Variants in ZFX observed in about 807,000 individuals in gnomAD.
ZFX encodes zinc finger X-chromosomal protein.
For missense variants in ZFX, 362 were observed against 628.3 expected (o/e 0.58, Z 4.53); for synonymous variants, 196 against 226.8 (o/e 0.86, Z 1.22).
At chrX:24,169,850 C>T (rs1433084450) in intron 3 of ZFX, among the ~76,000 whole-genome samples, 4 of 110,533 alleles carry the variant, frequency 3.6e-5, no homozygotes, top group East Asian at 2.8e-4. Flanking sequence ...TGGGCTGAGC[C>T]GCAGTAAGGG....
rs374729146 is a variant in ZFX at position 24,179,744 on chromosome X, A to G, written c.620A>G (p.Asn207Ser). ...GACCAGCAGGATGATGACAAAGGCA[A>G]CTGTGAGGACTACCTTATGATTTCC... is the stretch of plus-strand genomic sequence containing the variant. ...PVDQQDDDKG[N>S]CEDYLMISLD... Residue 207 changes from asparagine to serine, a missense_variant, in exon 5 of 10, where the codon AAC (asparagine) becomes AGC (serine). Transcript: ENST00000304543. 11 of 1,206,825 alleles carry G rather than the reference A, an allele frequency of 9.1e-6. No individual in the cohort carries two copies. In the Admixed American group the frequency reaches 1.3e-4, roughly 14 times the overall value.
chrX:24,186,624 TAAAAA>T (rs1005928900), intron 5 of ZFX, among the ~76,000 whole-genome samples: 1 of 109,406 alleles, frequency 9.1e-6, no homozygotes, highest in Admixed American at 9.8e-5. Flanking sequence ...CCCCATCTCT[TAAAAA>T]AAAATCAAAA....
In ZFX at chrX:24,211,127, A is replaced by T. The variant is rs967535007; in HGVS notation, c.2169A>T (p.Arg723Ser). 1.7e-6 allele frequency: 2 copies of T among 1,210,863 alleles called. No homozygotes were observed. The highest frequency in any genetic ancestry group is 3.5e-5 in the African/African-American group (2 of 57,360). ...HTKDLPFRCK[R>S]CRKGFRQQSE... ...AGGATCTTCCATTTAGGTGCAAGAG[A>T]TGTAGAAAGGGATTTAGGCAACAGA... Residue 723 changes from arginine (R) to serine (S), a missense_variant, in exon 10 of 10, where the codon AGA becomes AGT. Transcript: ENST00000304543.
intron 5 of ZFX, among the ~76,000 whole-genome samples, chrX:24,197,915 T>C (rs770870301): frequency 5.2e-4 from 58 of 112,053 alleles, no homozygotes; most frequent in African/African-American, 1.8e-3. Flanking sequence ...ATTCAGGGAC[T>C]GTAGTACCCA....
chrX:24,161,608 A>G (rs1033589396), intron 3 of ZFX: 1 of 111,066 alleles, frequency 9.0e-6, no homozygotes, highest in Non-Finnish European at 1.9e-5. Flanking sequence ...AGAAAGGTGT[A>G]TTGGGATTTT....
At chrX:24,197,452 A>C (rs750864227) in intron 5 of ZFX, among the ~76,000 whole-genome samples, 1 of 112,326 alleles carries the variant, frequency 8.9e-6, no homozygotes, top group Non-Finnish European at 1.9e-5. Flanking sequence ...AATGTATCTT[A>C]GCATATAGCC....
intron 5 of ZFX, among the ~76,000 whole-genome samples, chrX:24,180,857 T>C (rs1215810637): frequency 1.8e-5 from 2 of 112,079 alleles, no homozygotes; most frequent in Non-Finnish European, 3.8e-5. Flanking sequence ...TGGAGAAAAG[T>C]AAAGTATTTT....
intron 3 of ZFX, among the ~76,000 whole-genome samples, chrX:24,171,906 G>A (rs1372361711): frequency 1.3e-4 from 3 of 22,477 alleles, no homozygotes; most frequent in African/African-American, 7.4e-4. Context: ...GAGAGAGAAG[G>A]AGAGAGAGAG....
At chrX:24,189,889 A>G (rs376600178) in intron 5 of ZFX, among the ~76,000 whole-genome samples, 1 of 111,612 alleles carries the variant, frequency 9.0e-6, no homozygotes, top group South Asian at 3.7e-4. Flanking sequence ...TATGTATTTT[A>G]TTATTTTTAT....
chrX:24,189,126 C>T (rs529992926), intron 5 of ZFX, among the ~76,000 whole-genome samples: 5 of 112,123 alleles, frequency 4.5e-5, no homozygotes, highest in Admixed American at 9.5e-5. Context: ...CGTGAGCCAC[C>T]GCGCCTGGCC....
rs1477462930 is a variant in ZFX, at chrX:24,211,628, T to A, written c.*252T>A. On this transcript the variant is annotated 3_prime_UTR_variant, in exon 10 of 10. Transcript: ENST00000304543. ...TTACTTTTAATAAAGTAATCCCTGATTCTATACCGAAGTTTTATATCTTAG... is the reference window on the plus strand; with the variant it reads ...TTACTTTTAATAAAGTAATCCCTGAATCTATACCGAAGTTTTATATCTTAG... 2.9e-6 allele frequency: 1 copy of A among 348,372 alleles called. No homozygotes were observed. Among genetic ancestry groups the A allele is most frequent in the East Asian group, 4.8e-5 (1 of 20,745 alleles). 28.7% of individuals were successfully genotyped at this position (348,372 alleles called of 1,213,427 possible). A position where few individuals can be genotyped will look rare whatever the true frequency, so the allele number is the denominator to read the frequency against.
At position 24,174,316 on chromosome X, in the gene ZFX, T is replaced by C. The variant is rs538521181; in HGVS notation, c.58+1516T>C. On this transcript the variant is annotated intron_variant, in intron 4 of 9. Coordinates refer to ENST00000304543, the MANE Select transcript of ZFX (RefSeq NM_003410.4). The stretch of plus-strand genomic sequence containing the variant: ...TGCTAATAAGTTTTCCATTGGACTG[T>C]AAATGATCAGATTGTAGTATATTAA... Among the ~76,000 whole-genome samples the C allele has an allele frequency of 2.7e-5, 3 of 111,825 alleles. No homozygotes were observed. The Admixed American group carries it at 2.9e-4, about 11-fold the overall frequency.
At chrX:24,201,063 G>A (rs1937262128) in intron 5 of ZFX, among the ~76,000 whole-genome samples, 1 of 111,965 alleles carries the variant, frequency 8.9e-6, no homozygotes, top group Non-Finnish European at 1.9e-5. Context: ...TTTTATCGAA[G>A]CCTTCTTTGT....
At chrX:24,161,363 C>T (rs1933285716) in intron 3 of ZFX, among the ~76,000 whole-genome samples, 2 of 112,330 alleles carry the variant, frequency 1.8e-5, no homozygotes. Flanking sequence ...GTTGCTGCTG[C>T]CACTGCTGCT....
rs1212444359 is a variant in ZFX, at chrX:24,210,469, T to C, written c.1511T>C (p.Phe504Ser). 1.7e-6 allele frequency: 2 copies of C among 1,211,773 alleles called. No individual in the cohort carries two copies. The highest frequency in any genetic ancestry group is 2.2e-6 in the Non-Finnish European group (2 of 895,566). Residue 504 changes from phenylalanine (F) to serine (S), a missense_variant, in exon 10 of 10, where the codon TTT becomes TCT. Physicochemically the swap from Phe to Ser is radical, Grantham distance 155 (BLOSUM62 -2). Transcript: ENST00000304543. ...CATTTCTCTCATGCAGGGGCTTTGT[T>C]TACTCACAAAATGGTGCATAAGGAA... is the stretch of plus-strand genomic sequence containing the variant. ...GKHFSHAGAL[F>S]THKMVHKEKG...
chrX:24,156,139 G>A (rs1035217414), intron 3 of ZFX, among the ~76,000 whole-genome samples: 2 of 111,757 alleles, frequency 1.8e-5, no homozygotes, highest in African/African-American at 6.5e-5. Flanking sequence ...TCAAGTGATC[G>A]GCCCTCCTTG....
chrX:24,176,410 C>T, intron 4 of ZFX, among the ~76,000 whole-genome samples: 1 of 98,853 alleles, frequency 1.0e-5, no homozygotes, highest in Admixed American at 1.1e-4. Flanking sequence ...CCTATAATTT[C>T]TAATATTCTT....
intron 4 of ZFX, among the ~76,000 whole-genome samples, chrX:24,174,750 G>A (rs771379611): frequency 2.7e-5 from 3 of 110,223 alleles, no homozygotes; most frequent in African/African-American, 9.9e-5. Context: ...GTCTCACCCT[G>A]TTGCCTGGGC....
At chrX:24,208,518 G>C in intron 8 of ZFX, 148 bp downstream of exon 8, 2 of 791,834 alleles carry the variant, frequency 2.5e-6, no homozygotes, top group Non-Finnish European at 3.5e-6. Flanking sequence ...AGAGTATAAA[G>C]TCTACTTTTT....
Sources: gnomAD v4.1 joint callset for allele counts (sites outside exome capture counted in the v4.1 genomes callset) on GRCh38, gnomAD v4.1.1 for gene constraint, MANE v1.5 for transcripts, NCBI Gene and HGNC (gene_info 2026-07-23, HGNC 2026-07-21) for gene names.